CFAP47: variants seen among roughly 807,000 people sequenced by gnomAD.
CFAP47 encodes the protein cilia and flagella associated protein 47.
Under a neutral mutation model 148.1 loss-of-function variants are expected in CFAP47, and 29 were observed. The observed-to-expected ratio is 0.20, with a 90% confidence interval of 0.15 to 0.27. The LOEUF is 0.27. CFAP47 is among the 10% of genes least tolerant of loss of function. CFAP47 has a pLI of 1.00. For synonymous variants in CFAP47, 664 were observed against 577.3 expected (o/e 1.15, Z -2.15); for missense variants, 1,872 against 1,697.5 (o/e 1.10, Z -1.81).
intron 15 of CFAP47, among the ~76,000 whole-genome samples, chrX:35,982,627 T>C (rs1202443154): frequency 9.0e-6 from 1 of 111,543 alleles, no homozygotes; most frequent in East Asian, 2.8e-4. Context: ...CTTGAGTTGA[T>C]TTTTGTATGT....
intron 5 of CFAP47, among the ~76,000 whole-genome samples, 186 bp downstream of exon 5, chrX:35,951,545 A>G (rs1002601733): frequency 8.9e-6 from 1 of 112,026 alleles, no homozygotes; most frequent in African/African-American, 3.2e-5. Flanking sequence ...ATTTATAGTA[A>G]TATATATCTG....
intron 39 of CFAP47, among the ~76,000 whole-genome samples, chrX:36,175,907 C>G (rs113682190): frequency 1.8e-5 from 2 of 113,111 alleles, no homozygotes; most frequent in African/African-American, 6.4e-5. Context: ...GCCTCGCTGC[C>G]GCCTTGCAGT....
Position 36,385,241 on chromosome X carries a change from G to A in CFAP47, c.*235G>A. The A allele has an allele frequency of 1.4e-5, 4 of 295,283 alleles. No individual in the cohort carries two copies. Among genetic ancestry groups the A allele is most frequent in the East Asian group, 5.9e-5 (1 of 16,839 alleles). 24.3% of individuals were successfully genotyped at this position (295,283 alleles called of 1,213,427 possible). On this transcript the variant is annotated 3_prime_UTR_variant, in exon 64 of 64. Coordinates refer to ENST00000378653, the MANE Select transcript of CFAP47 (RefSeq NM_001304548.2). ...TTTTAAAGTGCAGGTGTATATTTGT[G>A]GTAAAACGAAATATAATTTAAATGA...
At chrX:36,091,690 G>C (rs1308276790) in intron 30 of CFAP47, among the ~76,000 whole-genome samples, 1 of 111,046 alleles carries the variant, frequency 9.0e-6, no homozygotes, top group African/African-American at 3.3e-5. Context: ...GACTGACCCA[G>C]GGCCATGTCA....
At chrX:36,294,717 TAAAATAAAAATG>T (rs1485540361) in intron 51 of CFAP47, among the ~76,000 whole-genome samples, 1 of 110,268 alleles carries the variant, frequency 9.1e-6, no homozygotes, top group East Asian at 2.8e-4. Context: ...ATCTAAAAAA[TAAAATAAAAATG>T]AAAATAAAAA....
chrX:36,248,839 T>C (rs1555997666), intron 48 of CFAP47, among the ~76,000 whole-genome samples: 1 of 111,082 alleles, frequency 9.0e-6, no homozygotes, highest in Non-Finnish European at 1.9e-5. Flanking sequence ...AGTATGATTT[T>C]TGACAACCAC....
chrX:36,362,043 G>T (rs1311622635), intron 61 of CFAP47, among the ~76,000 whole-genome samples: 1 of 111,750 alleles, frequency 8.9e-6, no homozygotes. Context: ...CTGGACACCT[G>T]TTACTCAGCA....
intron 57 of CFAP47, among the ~76,000 whole-genome samples, chrX:36,344,239 GA>G (rs1223969089): frequency 5.7e-4 from 18 of 31,646 alleles, no homozygotes; most frequent in African/African-American, 2.5e-3. Flanking sequence ...ATAAAAAAAA[GA>G]AAAAAAAAGA....
intron 2 of CFAP47, 81 bp from the exon 3 acceptor site, chrX:35,941,202 A>G: frequency 2.0e-6 from 1 of 508,973 alleles, no homozygotes; most frequent in Non-Finnish European, 3.3e-6. Context: ...TTAAGTGTCC[A>G]TCTATATTCC....
At chrX:36,278,196 G>A (rs1556002982) in intron 49 of CFAP47, among the ~76,000 whole-genome samples, 1 of 112,353 alleles carries the variant, frequency 8.9e-6, no homozygotes, top group Non-Finnish European at 1.9e-5. Context: ...GCCCACAGAG[G>A]TGGAGTCTAC....
At chrX:36,218,883 T>C (rs1421477241) in intron 45 of CFAP47, among the ~76,000 whole-genome samples, 2 of 111,889 alleles carry the variant, frequency 1.8e-5, no homozygotes, top group African/African-American at 6.5e-5. Context: ...GGTATTCTCA[T>C]TGGCAATTGG....
In CFAP47 at chrX:35,965,148, T is replaced by C. The variant is rs1421614117; in HGVS notation, c.1411-1417T>C. Among the ~76,000 whole-genome samples, 3 of 111,651 alleles carry C rather than the reference T, an allele frequency of 2.7e-5. No individual in the cohort carries two copies. The East Asian group carries it at 8.4e-4, about 31-fold the overall frequency. On this transcript the variant is annotated intron_variant, in intron 8 of 63. Transcript: ENST00000378653. Reference sequence around the variant, plus strand: ...TTTTGTTGTTGTTTTGTTTATTTAGTGATTCTCTAGACTAATTCTGTGAAA... The same window carrying C: ...TTTTGTTGTTGTTTTGTTTATTTAGCGATTCTCTAGACTAATTCTGTGAAA...
At chrX:36,289,067 C>T (rs1941165982) in intron 51 of CFAP47, among the ~76,000 whole-genome samples, 1 of 86,396 alleles carries the variant, frequency 1.2e-5, no homozygotes, top group Non-Finnish European at 2.1e-5. Context: ...ATGGCATGAT[C>T]TTGGCTCACC....
chrX:35,962,454 A>G (rs1174952284), intron 8 of CFAP47, among the ~76,000 whole-genome samples: 1 of 110,782 alleles, frequency 9.0e-6, no homozygotes, highest in Non-Finnish European at 1.9e-5. Context: ...TGAATTGCCT[A>G]TTTCTTCCCT....
At chrX:36,004,197 G>A (rs1936953902) in intron 21 of CFAP47, among the ~76,000 whole-genome samples, 1 of 108,923 alleles carries the variant, frequency 9.2e-6, no homozygotes, top group East Asian at 2.9e-4. Context: ...GGCTGGTCTC[G>A]AATTCCTGAC....
chrX:36,041,471 T>G, intron 25 of CFAP47, among the ~76,000 whole-genome samples: 1 of 111,634 alleles, frequency 9.0e-6, no homozygotes, highest in East Asian at 2.8e-4. Context: ...GAAAACATCC[T>G]CTGATGATTT....
chrX:36,378,358 A>G (rs1423251410), intron 62 of CFAP47, among the ~76,000 whole-genome samples: 1 of 111,978 alleles, frequency 8.9e-6, no homozygotes, highest in African/African-American at 3.3e-5. Context: ...TCACTCAGCA[A>G]GTGAAAAGCT....
intron 26 of CFAP47, among the ~76,000 whole-genome samples, chrX:36,049,085 C>T (rs889735221): frequency 1.8e-5 from 2 of 111,326 alleles, no homozygotes; most frequent in African/African-American, 6.5e-5. Flanking sequence ...ATAAGGTCTA[C>T]AGCTATTAAT....
chrX:36,224,981 A>T, intron 45 of CFAP47, among the ~76,000 whole-genome samples: 1 of 112,298 alleles, frequency 8.9e-6, no homozygotes, highest in East Asian at 2.8e-4. Context: ...TCCAATAACC[A>T]AAGTTAAATG....
Sources: allele counts gnomAD v4.1 joint callset (sites outside exome capture counted in the v4.1 genomes callset), GRCh38; gene constraint gnomAD v4.1.1; transcripts MANE v1.5; gene names NCBI Gene and HGNC (gene_info 2026-07-23, HGNC 2026-07-21).